The following SLC45A4 variants were observed in gnomAD, a reference collection of about 807,000 sequenced individuals.
SLC45A4 encodes polyamine-transporter SLC45A4.
In SLC45A4, 32 loss-of-function variants were observed where a neutral mutation model predicts 63.7. The ratio of observed to expected loss-of-function variants is 0.50; its 90% confidence interval spans 0.38 to 0.67. The LOEUF (loss-of-function observed/expected upper bound fraction) is 0.67, where lower values mean the gene tolerates loss of function less well. Ranked by LOEUF, SLC45A4 falls within the 30% of genes least tolerant of loss-of-function variation. The pLI is 0.00. For synonymous variants in SLC45A4, 535 were observed against 510.0 expected, an observed-to-expected ratio of 1.05 and a Z score of -0.66; for missense variants, 1,027 against 1,157.7, an observed-to-expected ratio of 0.89 and a Z score of 1.64.
chr8:141,234,258 C>T (rs983440431), intron 2 of SLC45A4, among the ~76,000 whole-genome samples: 5 of 152,224 alleles, frequency 3.3e-5, no homozygotes, highest in Non-Finnish European at 7.3e-5. Flanking sequence ...CTCCAATTCA[C>T]ATTCTTCATT....
chr8:141,303,237 T>C (rs1830801833), intron 1 of SLC45A4, among the ~76,000 whole-genome samples: 1 of 152,020 alleles, frequency 6.6e-6, no homozygotes, highest in South Asian at 2.1e-4. Context: ...GCTCAGGCAA[T>C]CTGCCCGCCT....
At chr8:141,286,380 A>G (rs1196836907) in intron 1 of SLC45A4, among the ~76,000 whole-genome samples, 6 of 152,116 alleles carry the variant, frequency 3.9e-5, no homozygotes, top group African/African-American at 1.4e-4. Flanking sequence ...GTGGCCTCAC[A>G]TGCGCGGTTG....
At chr8:141,234,852 C>T (rs1569558393) in intron 2 of SLC45A4, among the ~76,000 whole-genome samples, 1 of 152,212 alleles carries the variant, frequency 6.6e-6, no homozygotes, top group African/African-American at 2.4e-5. Flanking sequence ...CAGCAGGACT[C>T]GACCTCCTGG....
At position 141,227,992 on chromosome 8, in the gene SLC45A4, T is replaced by C. The variant is rs1380928685; in HGVS notation, c.242-6227A>G. ...TAAGTTCCCGGGCTTTGGCCTTTTG[T>C]AGGAGAGGAGGAATTGAAACTTGAA... is the stretch of plus-strand genomic sequence containing the variant. On this transcript the variant is annotated intron_variant, in intron 2 of 8. Coordinates refer to ENST00000517878, the MANE Select transcript of SLC45A4 (RefSeq NM_001286646.2). The surrounding 1 kb of genome is among the most constrained non-coding windows in gnomAD (Gnocchi z 4.4). Among the ~76,000 whole-genome samples the C allele has an allele frequency of 1.3e-5, 2 of 151,874 alleles. No individual in the cohort carries two copies. Among genetic ancestry groups the C allele is most frequent in the Non-Finnish European group, 2.9e-5 (2 of 67,970 alleles).
At chr8:141,237,344 AC>A (rs368427091) in intron 2 of SLC45A4, among the ~76,000 whole-genome samples, 13 of 152,080 alleles carry the variant, frequency 8.5e-5, no homozygotes, top group African/African-American at 3.1e-4. Flanking sequence ...ACTAGTCACC[AC>A]TTCCATAACA....
At chr8:141,296,344 TAATA>T (rs1830550132) in intron 1 of SLC45A4, among the ~76,000 whole-genome samples, 1 of 150,974 alleles carries the variant, frequency 6.6e-6, no homozygotes, top group Admixed American at 6.6e-5. Flanking sequence ...CAAAAAACAG[TAATA>T]AATTAGCCGG....
At chr8:141,279,645 G>A (rs1474523319) in intron 1 of SLC45A4, among the ~76,000 whole-genome samples, 3 of 152,030 alleles carry the variant, frequency 2.0e-5, no homozygotes, top group African/African-American at 7.3e-5. Flanking sequence ...CTGGTGCATC[G>A]CGCACCCCTC....
intron 1 of SLC45A4, among the ~76,000 whole-genome samples, chr8:141,301,781 G>C (rs1454258682): frequency 9.5e-6 from 1 of 105,580 alleles, no homozygotes; most frequent in Admixed American, 1.0e-4. Context: ...AACTCAGTGA[G>C]ACCCCATCTC....
At chr8:141,304,588 G>C (rs1830845644) in intron 1 of SLC45A4, among the ~76,000 whole-genome samples, 1 of 146,506 alleles carries the variant, frequency 6.8e-6, no homozygotes. Context: ...GGGAGAGAGA[G>C]AACTTCCTCT....
intron 1 of SLC45A4, among the ~76,000 whole-genome samples, chr8:141,261,327 C>T (rs948459259): frequency 2.4e-4 from 36 of 152,218 alleles, no homozygotes; most frequent in Admixed American, 2.2e-3. Flanking sequence ...CAGGGATGCC[C>T]TCTCTCACCA....
At chr8:141,221,400 G>C (rs990619023) in intron 3 of SLC45A4, among the ~76,000 whole-genome samples, 177 bp downstream of exon 3, 1 of 152,274 alleles carries the variant, frequency 6.6e-6, no homozygotes, top group African/African-American at 2.4e-5. Context: ...TTCCCACATG[G>C]GGCCAGCTTC....
chr8:141,290,521 A>G (rs919154409), intron 1 of SLC45A4, among the ~76,000 whole-genome samples: 1 of 152,228 alleles, frequency 6.6e-6, no homozygotes, highest in Non-Finnish European at 1.5e-5. Context: ...TGAGGTGTTC[A>G]TGCCACCACC....
intron 1 of SLC45A4, among the ~76,000 whole-genome samples, chr8:141,255,742 CAAAAAA>C (rs11341085): frequency 6.6e-6 from 1 of 151,054 alleles, no homozygotes; most frequent in Non-Finnish European, 1.5e-5. Context: ...AACAAACAAA[CAAAAAA>C]AACAAAAAGA....
intron 1 of SLC45A4, among the ~76,000 whole-genome samples, chr8:141,302,592 A>G (rs546923901): frequency 6.6e-6 from 1 of 152,334 alleles, no homozygotes; most frequent in East Asian, 1.9e-4. Context: ...TTGGCCTCCC[A>G]AAGAGCTAGG....
intron 2 of SLC45A4, chr8:141,224,505 C>T (rs1307816571): frequency 6.6e-6 from 1 of 152,286 alleles, no homozygotes; most frequent in African/African-American, 2.4e-5. Context: ...GCTGGAATGC[C>T]GTGGCACAAT....
At position 141,271,828 on chromosome 8, in the gene SLC45A4, G is replaced by A. The variant is rs142090420; in HGVS notation, c.-400-17199C>T. On this transcript the variant is annotated intron_variant, in intron 1 of 8. Transcript: ENST00000517878. ...TGCACACAACACACACACCACGTGTGCATGCAACACACACCTGTGTACACA... is the reference window on the plus strand; with the variant it reads ...TGCACACAACACACACACCACGTGTACATGCAACACACACCTGTGTACACA... 6.5e-3 allele frequency among the ~76,000 whole-genome samples: 988 copies of A among 151,534 alleles called. 3 individuals carry two copies. Among genetic ancestry groups the A allele is most frequent in the Middle Eastern group, 0.037 (11 of 294 alleles).
rs1826641692 is a variant in SLC45A4 at position 141,221,648 on chromosome 8, C to T, written c.359G>A (p.Arg120Gln). The T allele has an allele frequency of 6.2e-6, 10 of 1,613,934 alleles. No individual in the cohort carries two copies. Among genetic ancestry groups the T allele is most frequent in the Non-Finnish European group, 8.5e-6 (10 of 1,180,048 alleles). The stretch of plus-strand genomic sequence containing the variant: ...AACGCAGAGGGCGAGGATGAAGGGC[C>T]GCCGGCGGCCCCAGCTCAGGGTGCA... ...DRCTLSWGRR[R>Q]PFILALCVGV... The change falls in exon 3 of 9, where the codon CGG becomes CAG. Residue 120 changes from arginine to glutamine, a missense_variant. Arg to Gln is a conservative substitution (Grantham distance 43). Coordinates refer to ENST00000517878, the MANE Select transcript of SLC45A4 (RefSeq NM_001286646.2).
At chr8:141,284,286 G>A (rs55831755) in intron 1 of SLC45A4, among the ~76,000 whole-genome samples, 7 of 152,164 alleles carry the variant, frequency 4.6e-5, no homozygotes, top group South Asian at 2.1e-4. Flanking sequence ...CTGGGGCCTC[G>A]AGAGCAAAGA....
In SLC45A4 at chr8:141,211,574, A is replaced by G. The variant is rs965069396; in HGVS notation, c.2425T>C (p.Ter809GlnextTer66). Residue 809 changes from the stop codon to glutamine (Q), a stop_lost, in exon 9 of 9, where the codon TAG (stop) becomes CAG (glutamine). Coordinates refer to ENST00000517878, the MANE Select transcript of SLC45A4 (RefSeq NM_001286646.2). ...GGAAAAGAAGATACGTCATTCTTCT[A>G]AGAGAACCACATTGTGGAAAAGAAA... Reference protein sequence around the residue: ...KIFFSTMWFS* With the variant: ...KIFFSTMWFSQ 2 of 1,613,270 alleles carry G rather than the reference A, an allele frequency of 1.2e-6. No individual in the cohort carries two copies. Among genetic ancestry groups the G allele is most frequent in the African/African-American group, 2.7e-5 (2 of 74,946 alleles).
Sources: allele counts gnomAD v4.1 joint callset (sites outside exome capture counted in the v4.1 genomes callset), GRCh38; gene constraint gnomAD v4.1.1; non-coding constraint Gnocchi (gnomAD v3.1); transcripts MANE v1.5; gene names NCBI Gene and HGNC (gene_info 2026-07-23, HGNC 2026-07-21).